The following NOVA1 variants were observed in gnomAD, a reference collection of about 807,000 sequenced individuals.
NOVA1 encodes NOVA alternative splicing regulator 1.
NOVA1 carries 7 observed loss-of-function variants against 38.0 expected under a neutral mutation model. That is an observed-to-expected ratio of 0.18 (90% confidence interval 0.10 to 0.35). The LOEUF (loss-of-function observed/expected upper bound fraction) is 0.35, where lower values mean the gene tolerates loss of function less well. Ranked by LOEUF, NOVA1 falls within the 10% of genes least tolerant of loss-of-function variation. NOVA1 has a pLI of 1.00. For synonymous variants in NOVA1, 270 were observed against 232.5 expected, an observed-to-expected ratio of 1.16 and a Z score of -1.47; for missense variants, 460 against 616.0, an observed-to-expected ratio of 0.75 and a Z score of 2.68.
intron 2 of NOVA1, among the ~76,000 whole-genome samples, chr14:26,589,980 C>CT (rs1893747788): frequency 6.6e-6 from 1 of 151,826 alleles, no homozygotes; most frequent in African/African-American, 2.4e-5. Context: ...ACTTCAGTCT[C>CT]TGAGGGTCAG....
chr14:26,447,948 A>AATG lies in NOVA1; in HGVS notation c.*10_*11insCAT. On this transcript the variant is annotated 3_prime_UTR_variant, in exon 5 of 5. Transcript: ENST00000539517. ...GAGGGGTTAAAACAATCTGATGTGT[A>AATG]ACTGGGGCACTCAACCCACTTTCTG... 6.2e-7 allele frequency: 1 copy of AATG among 1,611,328 alleles called. No individual in the cohort carries two copies. Among genetic ancestry groups the AATG allele is most frequent in the South Asian group, 1.1e-5 (1 of 90,984 alleles).
At position 26,448,435 on chromosome 14, in the gene NOVA1, C is replaced by A. The variant is rs1434253680; in HGVS notation, c.1048G>T (p.Ala350Ser). The A allele has an allele frequency of 1.9e-6, 3 of 1,611,734 alleles. No homozygotes were observed. The highest frequency in any genetic ancestry group is 2.2e-5 in the South Asian group (2 of 90,988). Residue 350 changes from alanine to serine, a missense_variant, in exon 5 of 5, where the codon GCC becomes TCC. Physicochemically the swap from Ala to Ser is moderately conservative, Grantham distance 99. Transcript: ENST00000539517. This position sits in a 1 kb window ranked among gnomAD's most constrained non-coding sequence, Gnocchi z 5.3. ...GCTGCTGCTGCTGGGTTGGCACTGG[C>A]AGCTGCTGCAGCCAAAGCCCCTGTT... The part of the protein sequence containing the change: ...AATGALAAAA[A>S]SANPAAAAAN...
At chr14:26,455,871 T>G (rs1328428735) in intron 4 of NOVA1, among the ~76,000 whole-genome samples, 1 of 151,960 alleles carries the variant, frequency 6.6e-6, no homozygotes. Context: ...AATAAACTAT[T>G]GCAGGAAAGC....
intron 2 of NOVA1, among the ~76,000 whole-genome samples, chr14:26,491,336 C>A (rs1886330477): frequency 6.6e-6 from 1 of 152,034 alleles, no homozygotes; most frequent in Non-Finnish European, 1.5e-5. Context: ...TTTATATATT[C>A]TGGATATTAA....
At chr14:26,526,669 T>C (rs971733411) in intron 2 of NOVA1, among the ~76,000 whole-genome samples, 1 of 152,110 alleles carries the variant, frequency 6.6e-6, no homozygotes, top group Non-Finnish European at 1.5e-5. Flanking sequence ...AAAGAAACAC[T>C]AATACTGGGT....
intron 2 of NOVA1, among the ~76,000 whole-genome samples, chr14:26,561,902 G>T (rs1159618944): frequency 2.0e-5 from 3 of 152,028 alleles, no homozygotes; most frequent in African/African-American, 7.2e-5. Context: ...TCCTAGTTCA[G>T]TCAGTAAATG....
chr14:26,579,092 T>A (rs953010870), intron 2 of NOVA1, among the ~76,000 whole-genome samples: 1 of 115,532 alleles, frequency 8.7e-6, no homozygotes, highest in Non-Finnish European at 1.7e-5. Flanking sequence ...AGAGTCTCAC[T>A]CTGTTGCCAG....
rs377438447 is a variant in NOVA1 at position 26,535,615 on chromosome 14, G to A, written c.281-55472C>T. On this transcript the variant is annotated intron_variant, in intron 2 of 4. Transcript: ENST00000539517. ...AATTTAGCATGATTATAGTATATAT[G>A]ATTATTCAAAAATTACTATCAGCAG... 4.7e-4 allele frequency among the ~76,000 whole-genome samples: 71 copies of A among 152,198 alleles called. No homozygotes were observed. In the East Asian group the frequency reaches 8.1e-3, roughly 17 times the overall value.
chr14:26,593,310 T>C (rs1594597554), intron 2 of NOVA1: 1 of 151,986 alleles, frequency 6.6e-6, no homozygotes, highest in Non-Finnish European at 1.5e-5. Flanking sequence ...AAAATTATTC[T>C]GAAGACTTGT....
chr14:26,456,956 C>T (rs1044349249), intron 4 of NOVA1, among the ~76,000 whole-genome samples: 8 of 146,856 alleles, frequency 5.4e-5, no homozygotes, highest in Admixed American at 2.7e-4. Context: ...CACACACACA[C>T]AAATATATAC....
intron 2 of NOVA1, among the ~76,000 whole-genome samples, chr14:26,574,865 T>C (rs962683953): frequency 6.6e-6 from 1 of 152,098 alleles, no homozygotes; most frequent in Non-Finnish European, 1.5e-5. Flanking sequence ...TCTCACTCTG[T>C]TGCCCAGGCT....
At chr14:26,518,768 A>G (rs1274144546) in intron 2 of NOVA1, among the ~76,000 whole-genome samples, 1 of 151,980 alleles carries the variant, frequency 6.6e-6, no homozygotes, top group Non-Finnish European at 1.5e-5. Flanking sequence ...TTCAACTTTT[A>G]TTTTAGATTC....
chr14:26,561,567 T>G (rs551983851), intron 2 of NOVA1, among the ~76,000 whole-genome samples: 1 of 152,304 alleles, frequency 6.6e-6, no homozygotes, highest in South Asian at 2.1e-4. Context: ...TAGGTTTCTA[T>G]CTACACTAAG....
chr14:26,464,806 C>A (rs750861879), intron 4 of NOVA1, among the ~76,000 whole-genome samples: 5 of 151,966 alleles, frequency 3.3e-5, no homozygotes, highest in South Asian at 2.1e-4. Flanking sequence ...ATCTTCCCCA[C>A]GAAAATTATA....
chr14:26,582,921 C>G lies in NOVA1; in HGVS notation c.280+12489G>C, dbSNP rs563477058. Among the ~76,000 whole-genome samples, 14 of 151,822 alleles carry G rather than the reference C, an allele frequency of 9.2e-5. No individual in the cohort carries two copies. In the South Asian group the frequency reaches 2.5e-3, roughly 27 times the overall value. ...CATGCCATTTCAGATATATGCCAAC[C>G]TAAAGTGCCACATATGGCATATCTA... is the stretch of plus-strand genomic sequence containing the variant. On this transcript the variant is annotated intron_variant, in intron 2 of 4. Coordinates refer to ENST00000539517, the MANE Select transcript of NOVA1 (RefSeq NM_002515.3).
chr14:26,452,650 T>C (rs897680752), intron 4 of NOVA1, among the ~76,000 whole-genome samples: 2 of 152,208 alleles, frequency 1.3e-5, no homozygotes, highest in African/African-American at 4.8e-5. Context: ...CATATTCTTA[T>C]TTCTAAAGAA....
rs190550043 is a variant in NOVA1, at chr14:26,584,482, G to A, written c.280+10928C>T. The stretch of plus-strand genomic sequence containing the variant: ...AGATTTAAAAAATATTCTTGCTAAC[G>A]AATATATCTAGGAAGAATATTTTTC... On this transcript the variant is annotated intron_variant, in intron 2 of 4. Transcript: ENST00000539517. Among the ~76,000 whole-genome samples, 7 of 151,276 alleles carry A rather than the reference G, an allele frequency of 4.6e-5. No homozygotes were observed. The East Asian group carries it at 1.2e-3, about 25-fold the overall frequency.
At chr14:26,582,937 G>A (rs921768340) in intron 2 of NOVA1, among the ~76,000 whole-genome samples, 4 of 151,712 alleles carry the variant, frequency 2.6e-5, no homozygotes, top group Admixed American at 2.6e-4. Flanking sequence ...TGCCACATAT[G>A]GCATATCTAG....
At chr14:26,453,968 C>A (rs557206406) in intron 4 of NOVA1, among the ~76,000 whole-genome samples, 5 of 152,198 alleles carry the variant, frequency 3.3e-5, no homozygotes, top group African/African-American at 7.2e-5. Flanking sequence ...CTTCTTCTGG[C>A]AACAGAGCCC....
Sources: allele counts gnomAD v4.1 joint callset (sites outside exome capture counted in the v4.1 genomes callset), GRCh38; gene constraint gnomAD v4.1.1; non-coding constraint Gnocchi (gnomAD v3.1); transcripts MANE v1.5; gene names NCBI Gene and HGNC (gene_info 2026-07-23, HGNC 2026-07-21).